Variants in CDK17 observed in about 807,000 individuals in gnomAD.
CDK17 encodes cyclin-dependent kinase 17.
In CDK17, 24 loss-of-function variants were observed where a neutral mutation model predicts 77.6. The observed-to-expected ratio is 0.31, with a 90% confidence interval of 0.22 to 0.44. CDK17 has a LOEUF of 0.44. Among genes scored for constraint, CDK17 ranks in the 20% least tolerant of loss-of-function variants. The probability of loss-of-function intolerance (pLI) is 1.00; values close to 1 mark genes in which losing one functional copy is unlikely to be tolerated. For missense variants in CDK17, 429 were observed against 622.5 expected (o/e 0.69, Z 3.31); for synonymous variants, 203 against 210.4 (o/e 0.96, Z 0.30).
At chr12:96,317,312 C>A in intron 3 of CDK17, among the ~76,000 whole-genome samples, 1 of 130,978 alleles carries the variant, frequency 7.6e-6, no homozygotes, top group Non-Finnish European at 1.6e-5. Flanking sequence ...AAGACCAAAT[C>A]TACGTCTGAT....
chr12:96,367,368 A>G (rs898345424), intron 1 of CDK17, among the ~76,000 whole-genome samples: 3 of 148,800 alleles, frequency 2.0e-5, no homozygotes, highest in Non-Finnish European at 3.0e-5. Context: ...AAAAAAAAAA[A>G]AAAGAAATCT....
chr12:96,326,730 G>A lies in CDK17; in HGVS notation c.119-2618C>T, dbSNP rs559404847. Among the ~76,000 whole-genome samples, 59 of 152,258 alleles carry A rather than the reference G, an allele frequency of 3.9e-4. 1 individual carries two copies. In the South Asian group the frequency reaches 9.7e-3, roughly 25 times the overall value. ...ATTCCCAGGTCCTGCTGACATTGCT[G>A]GTCCAGGGATCACACTTTGAGAACC... On this transcript the variant is annotated intron_variant, in intron 2 of 16. Coordinates refer to ENST00000261211, the MANE Select transcript of CDK17 (RefSeq NM_002595.5).
intron 2 of CDK17, among the ~76,000 whole-genome samples, chr12:96,325,497 G>A (rs969778795): frequency 4.6e-5 from 7 of 152,216 alleles, no homozygotes; most frequent in African/African-American, 1.7e-4. Flanking sequence ...CAGGACCAGG[G>A]TATGGGCTCC....
rs1491120801 is a variant in CDK17, at chr12:96,368,806, C to CTGG, written c.-30+31179_-30+31180insCCA. Among the ~76,000 whole-genome samples, 103 of 67,400 alleles carry CTGG rather than the reference C, an allele frequency of 1.5e-3. 24 individuals are homozygous for CTGG. Among genetic ancestry groups the CTGG allele is most frequent in the East Asian group, 6.4e-3 (2 of 314 alleles). 44.2% of individuals were successfully genotyped at this position (67,400 alleles called of 152,430 possible). A position where few individuals can be genotyped will look rare whatever the true frequency, so the allele number is the denominator to read the frequency against. ...AATTTAGAAAGAAGCTACTCTAAGA[C>CTGG]GGGGGGGGGGGGGGGGGGCACAATG... On this transcript the variant is annotated intron_variant, in intron 1 of 16. Transcript: ENST00000261211.
intron 7 of CDK17, among the ~76,000 whole-genome samples, chr12:96,298,039 C>T (rs1391850127): frequency 6.6e-6 from 1 of 151,930 alleles, no homozygotes; most frequent in East Asian, 1.9e-4. Context: ...GCCTGTAATC[C>T]CAGCACTTTG....
At chr12:96,326,469 A>C (rs1054282577) in intron 2 of CDK17, among the ~76,000 whole-genome samples, 1 of 152,256 alleles carries the variant, frequency 6.6e-6, no homozygotes, top group Non-Finnish European at 1.5e-5. Flanking sequence ...AATGCAAGAA[A>C]GAGCCAGTCA....
intron 1 of CDK17, among the ~76,000 whole-genome samples, chr12:96,336,634 A>C (rs1324843118): frequency 6.6e-6 from 1 of 152,198 alleles, no homozygotes; most frequent in African/African-American, 2.4e-5. Flanking sequence ...AAAAGTTTCT[A>C]TTCCTTAGCT....
chr12:96,314,111 T>C (rs1258737202), intron 3 of CDK17, among the ~76,000 whole-genome samples: 2 of 152,070 alleles, frequency 1.3e-5, no homozygotes, highest in Non-Finnish European at 2.9e-5. Flanking sequence ...ACAAAAAAGG[T>C]GGGTTATGGC....
chr12:96,335,897 CCCAA>C (rs1229552031), intron 1 of CDK17, among the ~76,000 whole-genome samples: 3 of 152,116 alleles, frequency 2.0e-5, no homozygotes, highest in Non-Finnish European at 4.4e-5. Context: ...TAACCATTAT[CCCAA>C]CCAACCAAGA....
At position 96,387,154 on chromosome 12, in the gene CDK17, A is replaced by G. The variant is rs536636727; in HGVS notation, c.-30+12832T>C. 21 of 257,938 alleles carry G rather than the reference A, an allele frequency of 8.1e-5. No homozygotes were observed. In the Admixed American group the frequency reaches 8.3e-4, roughly 10 times the overall value. The allele number at this position is 257,938 out of a possible 1,614,324, so 16.0% of individuals were successfully genotyped here. A position where few individuals can be genotyped will look rare whatever the true frequency, so the allele number is the denominator to read the frequency against. On this transcript the variant is annotated intron_variant, in intron 1 of 16. Coordinates refer to ENST00000261211, the MANE Select transcript of CDK17 (RefSeq NM_002595.5). ...GTTCCACTTTTCAATTCAAGGTTACAGTTTCATGAACCATTTCATCAAAAA... is the reference window on the plus strand; with the variant it reads ...GTTCCACTTTTCAATTCAAGGTTACGGTTTCATGAACCATTTCATCAAAAA...
chr12:96,356,020 A>T (rs1953388097), intron 1 of CDK17, among the ~76,000 whole-genome samples: 1 of 152,122 alleles, frequency 6.6e-6, no homozygotes, highest in South Asian at 2.1e-4. Flanking sequence ...TTATTCATTC[A>T]TTTCAACAAA....
chr12:96,284,022 T>A (rs1249271672), intron 13 of CDK17, among the ~76,000 whole-genome samples: 1 of 152,214 alleles, frequency 6.6e-6, no homozygotes, highest in African/African-American at 2.4e-5. Context: ...ATTATATAGG[T>A]GAAAACAGAG....
intron 3 of CDK17, among the ~76,000 whole-genome samples, chr12:96,316,027 C>T (rs1289412728): frequency 6.6e-6 from 1 of 152,180 alleles, no homozygotes; most frequent in Non-Finnish European, 1.5e-5. Context: ...GTGATTTCTG[C>T]ATTTCCATCT....
At chr12:96,297,197 G>C (rs1397442081) in intron 9 of CDK17, 73 bp downstream of exon 9, 1 of 899,650 alleles carries the variant, frequency 1.1e-6, no homozygotes, top group Non-Finnish European at 1.7e-6. Flanking sequence ...TATGAGGCTG[G>C]TACATTTCAT....
At chr12:96,329,054 A>G (rs1390635804) in intron 2 of CDK17, among the ~76,000 whole-genome samples, 1 of 152,192 alleles carries the variant, frequency 6.6e-6, no homozygotes, top group Non-Finnish European at 1.5e-5. Flanking sequence ...CAAAAGGACA[A>G]ATATTATATG....
At position 96,346,219 on chromosome 12, in the gene CDK17, G is replaced by A. The variant is rs576565442; in HGVS notation, c.-29-11354C>T. 1.4e-4 allele frequency among the ~76,000 whole-genome samples: 21 copies of A among 151,692 alleles called. No homozygotes were observed. The South Asian group carries it at 3.1e-3, about 23-fold the overall frequency. ...TGTAATCCCAGCACTTTGGAAGGCGGAGGCGGGCAGATCACAAGGTCAGGA... is the reference window on the plus strand; with the variant it reads ...TGTAATCCCAGCACTTTGGAAGGCGAAGGCGGGCAGATCACAAGGTCAGGA... On this transcript the variant is annotated intron_variant, in intron 1 of 16. Transcript: ENST00000261211.
chr12:96,351,421 T>A (rs1446120758), intron 1 of CDK17, among the ~76,000 whole-genome samples: 1 of 151,450 alleles, frequency 6.6e-6, no homozygotes, highest in East Asian at 1.9e-4. Flanking sequence ...AAACTGCCAA[T>A]CAACGGATAA....
intron 1 of CDK17, among the ~76,000 whole-genome samples, chr12:96,367,237 C>CTA (rs1953600714): frequency 6.7e-6 from 1 of 148,380 alleles, no homozygotes; most frequent in South Asian, 2.1e-4. Context: ...CCCAGCTACT[C>CTA]GGCAGGCTGA....
At chr12:96,358,128 G>A (rs959317927) in intron 1 of CDK17, among the ~76,000 whole-genome samples, 6 of 151,856 alleles carry the variant, frequency 4.0e-5, no homozygotes, top group East Asian at 3.9e-4. Context: ...TACTGTTTAG[G>A]TAAACTATAT....
Sources: allele counts gnomAD v4.1 joint callset (sites outside exome capture counted in the v4.1 genomes callset), GRCh38; gene constraint gnomAD v4.1.1; transcripts MANE v1.5; gene names NCBI Gene and HGNC (gene_info 2026-07-23, HGNC 2026-07-21).